Variants in DHRS7B observed in about 807,000 individuals in gnomAD.
The protein encoded by DHRS7B is peroxisomal reductase activating PPAR-gamma.
A neutral mutation model predicts 26.4 loss-of-function variants in DHRS7B; 24 were observed. The ratio of observed to expected loss-of-function variants is 0.91; its 90% CI spans 0.66 to 1.28. DHRS7B has a LOEUF of 1.28. Ranked by LOEUF, DHRS7B falls within the 50% of genes most tolerant of loss-of-function variation. The pLI, the probability that DHRS7B is intolerant of heterozygous loss-of-function variation, is 0.00. For synonymous variants in DHRS7B, 142 were observed against 166.4 expected, an observed-to-expected ratio of 0.85 and a Z score of 1.13; for missense variants, 368 against 419.4, an observed-to-expected ratio of 0.88 and a Z score of 1.07.
intron 1 of DHRS7B, among the ~76,000 whole-genome samples, chr17:21,152,534 G>A (rs1282398084): frequency 2.0e-5 from 3 of 152,186 alleles, no homozygotes; most frequent in African/African-American, 7.2e-5. Flanking sequence ...CATGGGGGGT[G>A]CTCATGCTTT....
chr17:21,174,475 C>T (rs556264814), intron 2 of DHRS7B, among the ~76,000 whole-genome samples: 3 of 152,364 alleles, frequency 2.0e-5, no homozygotes, highest in Admixed American at 6.5e-5. Flanking sequence ...CTTCATATAT[C>T]GTACCTTGGA....
At chr17:21,132,801 C>T (rs1973268120) in intron 1 of DHRS7B, among the ~76,000 whole-genome samples, 1 of 152,132 alleles carries the variant, frequency 6.6e-6, no homozygotes, top group Non-Finnish European at 1.5e-5. Flanking sequence ...GGCTAAACTT[C>T]TTATAACAAG....
intron 1 of DHRS7B, among the ~76,000 whole-genome samples, chr17:21,162,002 A>T (rs947348136): frequency 1.4e-4 from 21 of 151,828 alleles, no homozygotes; most frequent in Admixed American, 1.1e-3. Flanking sequence ...TTTCACAAAA[A>T]TGTTTTTCAC....
chr17:21,188,621 CAGAG>C (rs979625469), intron 5 of DHRS7B, 86 bp from the exon 6 acceptor site: 42 of 1,381,704 alleles, frequency 3.0e-5, no homozygotes, highest in Middle Eastern at 5.2e-4. Context: ...GTTTTCAAAA[CAGAG>C]AGCGTGAATG....
chr17:21,136,293 A>G (rs1973339215), intron 1 of DHRS7B, among the ~76,000 whole-genome samples: 1 of 136,016 alleles, frequency 7.4e-6, no homozygotes, highest in African/African-American at 2.8e-5. Flanking sequence ...CAAGAGCAAA[A>G]CTCCATTAAA....
intron 1 of DHRS7B, among the ~76,000 whole-genome samples, chr17:21,161,733 A>G (rs1049487059): frequency 9.2e-5 from 14 of 152,228 alleles, no homozygotes; most frequent in Non-Finnish European, 8.8e-5. Context: ...CCGTGTCCTC[A>G]GGAAATATTT....
chr17:21,171,896 G>A (rs1210456328), intron 1 of DHRS7B, 122 bp from the exon 2 acceptor site: 9 of 1,240,986 alleles, frequency 7.3e-6, no homozygotes, highest in Admixed American at 5.4e-5. Flanking sequence ...TGCTTGCTAG[G>A]GCTTAGAGCT....
At chr17:21,153,585 T>C (rs572508416) in intron 1 of DHRS7B, among the ~76,000 whole-genome samples, 55 of 152,056 alleles carry the variant, frequency 3.6e-4, no homozygotes, top group Non-Finnish European at 6.3e-4. Flanking sequence ...GTAGACTGTG[T>C]AATTTATAAA....
intron 5 of DHRS7B, among the ~76,000 whole-genome samples, chr17:21,185,978 G>A (rs1028296515): frequency 3.3e-5 from 5 of 152,176 alleles, no homozygotes; most frequent in African/African-American, 4.8e-5. Flanking sequence ...ATGAGCCACC[G>A]CGCCCAGCTG....
In DHRS7B at chr17:21,191,309, A is replaced by C; in HGVS notation, c.*156A>C. 1 of 725,672 alleles carries C rather than the reference A, an allele frequency of 1.4e-6. No homozygotes were observed. The highest frequency in any genetic ancestry group is 2.7e-5 in the East Asian group (1 of 37,080). The allele number at this position is 725,672 out of a possible 1,614,324, so 45.0% of individuals were successfully genotyped here. ...TCTCGTGCAGATCTGCTGGCAGAGG[A>C]CAATCAAAAACGACAACAAGCTTCT... On this transcript the variant is annotated 3_prime_UTR_variant, in exon 7 of 7. Coordinates refer to ENST00000395511, the MANE Select transcript of DHRS7B (RefSeq NM_015510.5).
intron 1 of DHRS7B, among the ~76,000 whole-genome samples, chr17:21,152,850 G>A (rs1037593564): frequency 5.9e-5 from 9 of 152,178 alleles, no homozygotes; most frequent in African/African-American, 2.2e-4. Flanking sequence ...GAGAGGCACT[G>A]GTGAAATTTA....
intron 1 of DHRS7B, chr17:21,128,277 C>CTCAAAACAAACAAACAAACAAAAA: frequency 2.6e-5 from 4 of 152,218 alleles, no homozygotes; most frequent in Non-Finnish European, 4.4e-5. Context: ...GAGACCCTGT[C>CTCAAAACAAACAAACAAACAAAAA]TTGGCTGGGC....
chr17:21,143,523 A>G (rs1973573311), intron 1 of DHRS7B, among the ~76,000 whole-genome samples: 1 of 152,230 alleles, frequency 6.6e-6, no homozygotes, highest in Non-Finnish European at 1.5e-5. Flanking sequence ...TGTTTTCTAC[A>G]ACATTTTCAA....
At chr17:21,140,524 A>ACACACACACACACC in intron 1 of DHRS7B, among the ~76,000 whole-genome samples, 1 of 150,454 alleles carries the variant, frequency 6.6e-6, no homozygotes, top group Non-Finnish European at 1.5e-5. Flanking sequence ...ACACACACAC[A>ACACACACACACACC]CACACACACA....
chr17:21,152,778 G>A (rs1368763988), intron 1 of DHRS7B, among the ~76,000 whole-genome samples: 2 of 152,190 alleles, frequency 1.3e-5, no homozygotes, highest in African/African-American at 4.8e-5. Context: ...TTCATGTGGG[G>A]AAAATTAATA....
intron 1 of DHRS7B, among the ~76,000 whole-genome samples, chr17:21,158,558 C>T (rs1425487788): frequency 6.6e-6 from 1 of 152,118 alleles, no homozygotes; most frequent in Non-Finnish European, 1.5e-5. Flanking sequence ...AATGTATCAA[C>T]TAAATAGATA....
In DHRS7B at chr17:21,172,135, G is replaced by A. The variant is rs1273166064; in HGVS notation, c.138G>A (p.Gly46=). ...TCCGGCTGCTGCAGTGGGTGCGCGG[G>A]AAGGCCTACCTGCGGAATGCTGTGG... The part of the protein sequence containing the change: ...GLFRLLQWVR[G]KAYLRNAVVV... The change falls in exon 2 of 7, where the codon GGG becomes GGA. Residue 46 remains glycine, a synonymous_variant. Transcript: ENST00000395511. 6.2e-7 allele frequency: 1 copy of A among 1,614,084 alleles called. No homozygotes were observed. The highest frequency in any genetic ancestry group is 8.5e-7 in the Non-Finnish European group (1 of 1,179,986).
At chr17:21,141,211 C>T (rs372046558) in intron 1 of DHRS7B, among the ~76,000 whole-genome samples, 5 of 152,276 alleles carry the variant, frequency 3.3e-5, no homozygotes, top group East Asian at 3.9e-4. Flanking sequence ...AGGAGGCCAC[C>T]GGTCACCCAG....
chr17:21,190,256 T>A (rs915630158), intron 6 of DHRS7B, among the ~76,000 whole-genome samples: 1 of 152,074 alleles, frequency 6.6e-6, no homozygotes, highest in Admixed American at 6.6e-5. Flanking sequence ...GGCAAAATTG[T>A]CAAATTACTA....
Sources: allele counts gnomAD v4.1 joint callset (sites outside exome capture counted in the v4.1 genomes callset), GRCh38; gene constraint gnomAD v4.1.1; transcripts MANE v1.5; gene names NCBI Gene and HGNC (gene_info 2026-07-23, HGNC 2026-07-21).